The following SMIM35 variants were observed in gnomAD, a reference collection of about 807,000 sequenced individuals.
SMIM35 encodes small integral membrane protein 35.
chr11:118,041,287 T>C (rs1367391770), intron 1 of SMIM35, among the ~76,000 whole-genome samples: 1 of 152,112 alleles, frequency 6.6e-6, no homozygotes, highest in African/African-American at 2.4e-5. Context: ...AATAGAAGAT[T>C]TGAACAACAC....
At chr11:118,053,943 T>C (rs774048460) in intron 1 of SMIM35, among the ~76,000 whole-genome samples, 36 of 152,218 alleles carry the variant, frequency 2.4e-4, no homozygotes, top group Non-Finnish European at 5.0e-4. Flanking sequence ...TCTAAACCCC[T>C]AACATCTAAA....
intron 1 of SMIM35, among the ~76,000 whole-genome samples, chr11:118,065,746 C>T (rs528361948): frequency 8.5e-5 from 13 of 152,284 alleles, no homozygotes; most frequent in African/African-American, 3.1e-4. Flanking sequence ...GTCCCTTGAG[C>T]TTCTTGTTCA....
At chr11:118,059,855 A>G (rs1944369738) in intron 1 of SMIM35, among the ~76,000 whole-genome samples, 1 of 152,190 alleles carries the variant, frequency 6.6e-6, no homozygotes, top group African/African-American at 2.4e-5. Context: ...ACTTGTCTAG[A>G]ATTCCGGCTC....
chr11:118,011,195 G>A (rs1040443436), intron 4 of SMIM35, among the ~76,000 whole-genome samples: 15 of 152,152 alleles, frequency 9.9e-5, no homozygotes, highest in Admixed American at 3.9e-4. Flanking sequence ...AATACCCTCC[G>A]TGCTCCCAGC....
At chr11:118,049,339 ATTTTTT>A (rs398017739) in intron 1 of SMIM35, among the ~76,000 whole-genome samples, 7 of 83,994 alleles carry the variant, frequency 8.3e-5, no homozygotes, top group Admixed American at 1.4e-4. Flanking sequence ...TCCACCCTTA[ATTTTTT>A]TTTTTTTTTT....
At chr11:118,013,176 G>A (rs901826924) in intron 4 of SMIM35, among the ~76,000 whole-genome samples, 6 of 152,224 alleles carry the variant, frequency 3.9e-5, no homozygotes, top group Non-Finnish European at 8.8e-5. Flanking sequence ...ACAATGAGGG[G>A]CCAGGCCAGG....
intron 1 of SMIM35, among the ~76,000 whole-genome samples, chr11:118,080,888 C>G (rs970382447): frequency 1.3e-5 from 2 of 152,174 alleles, no homozygotes; most frequent in Non-Finnish European, 2.9e-5. Context: ...AAAACATCAG[C>G]CTCAGTAAAA....
chr11:118,026,303 A>T (rs956127569), intron 1 of SMIM35, among the ~76,000 whole-genome samples: 1 of 152,246 alleles, frequency 6.6e-6, no homozygotes, highest in African/African-American at 2.4e-5. Flanking sequence ...GTATTTCCTC[A>T]ATAGAAATGG....
intron 1 of SMIM35, among the ~76,000 whole-genome samples, chr11:118,073,806 C>T (rs1337373067): frequency 6.6e-6 from 1 of 152,238 alleles, no homozygotes; most frequent in Non-Finnish European, 1.5e-5. Context: ...AGCAGCGCCG[C>T]CATGATGGGG....
intron 1 of SMIM35, among the ~76,000 whole-genome samples, chr11:118,081,419 G>A (rs567570637): frequency 1.6e-4 from 24 of 152,316 alleles, no homozygotes; most frequent in African/African-American, 5.3e-4. Flanking sequence ...TAACCAGCAC[G>A]TCGGCAGCTG....
chr11:118,056,980 T>G (rs1944322943), intron 1 of SMIM35, among the ~76,000 whole-genome samples: 1 of 151,822 alleles, frequency 6.6e-6, no homozygotes, highest in Admixed American at 6.6e-5. Flanking sequence ...CACATTTCCA[T>G]GAGAACTGGA....
intron 1 of SMIM35, among the ~76,000 whole-genome samples, chr11:118,060,501 C>T (rs745352549): frequency 2.6e-5 from 4 of 152,192 alleles, no homozygotes; most frequent in Non-Finnish European, 5.9e-5. Context: ...AGGCCGGCAG[C>T]GAGGGCAGGA....
chr11:118,062,639 C>T (rs1441986776), intron 1 of SMIM35, among the ~76,000 whole-genome samples: 1 of 152,182 alleles, frequency 6.6e-6, no homozygotes, highest in Non-Finnish European at 1.5e-5. Flanking sequence ...CCTCCCAACC[C>T]TCTCCTGGCC....
chr11:118,042,360 G>A, intron 1 of SMIM35, among the ~76,000 whole-genome samples: 1 of 152,018 alleles, frequency 6.6e-6, no homozygotes, highest in East Asian at 1.9e-4. Context: ...AGATAACTTA[G>A]ATGAAATAGA....
intron 4 of SMIM35, 79 bp downstream of exon 4, chr11:118,013,669 G>A (rs1034806633): frequency 2.3e-5 from 9 of 395,814 alleles, no homozygotes; most frequent in South Asian, 1.4e-4. Context: ...TCCTTGGTGC[G>A]AGGCTTGGGT....
intron 1 of SMIM35, chr11:118,025,239 T>C (rs77536744): frequency 2.4e-4 from 73 of 302,490 alleles, no homozygotes; most frequent in Non-Finnish European, 3.1e-4. Context: ...TATGAGTGCA[T>C]GTGACTTTTT....
chr11:118,043,941 T>C (rs1437230087), intron 1 of SMIM35, among the ~76,000 whole-genome samples: 1 of 151,538 alleles, frequency 6.6e-6, no homozygotes, highest in Non-Finnish European at 1.5e-5. Flanking sequence ...TTGACTGTAA[T>C]GGTGGCTGCA....
At chr11:118,069,195 G>A (rs1303824924) in intron 1 of SMIM35, among the ~76,000 whole-genome samples, 1 of 152,198 alleles carries the variant, frequency 6.6e-6, no homozygotes, top group South Asian at 2.1e-4. Context: ...CACCCCCTCA[G>A]TTCCCTCATC....
At chr11:118,028,422 G>C (rs922431773) in intron 1 of SMIM35, among the ~76,000 whole-genome samples, 2 of 151,538 alleles carry the variant, frequency 1.3e-5, no homozygotes, top group Non-Finnish European at 2.9e-5. Context: ...TTTTTTCTTT[G>C]ACATTTATCT....
Sources: allele counts gnomAD v4.1 joint callset (sites outside exome capture counted in the v4.1 genomes callset), GRCh38; gene constraint gnomAD v4.1.1; transcripts MANE v1.5; gene names NCBI Gene and HGNC (gene_info 2026-07-23, HGNC 2026-07-21).